UBE3A: variants seen among roughly 807,000 people sequenced by gnomAD.
UBE3A encodes ubiquitin-protein ligase E3A.
UBE3A carries 6 observed loss-of-function variants against 83.4 expected under a neutral mutation model. That is an observed-to-expected ratio of 0.07 (90% CI 0.04 to 0.14). The LOEUF (loss-of-function observed/expected upper bound fraction) is 0.14. Ranked by LOEUF, UBE3A falls within the 10% of genes least tolerant of loss-of-function variation. The probability of loss-of-function intolerance (pLI) is 1.00; values close to 1 mark genes in which losing one functional copy is unlikely to be tolerated. For missense variants in UBE3A, 456 were observed against 1,036.1 expected, an observed-to-expected ratio of 0.44 and a Z score of 7.69; for synonymous variants, 337 against 355.4, an observed-to-expected ratio of 0.95 and a Z score of 0.58.
chr15:25,389,267 A>AC (rs1261929467), intron 4 of UBE3A, among the ~76,000 whole-genome samples: 1 of 151,850 alleles, frequency 6.6e-6, no homozygotes, highest in African/African-American at 2.4e-5. Context: ...CATGCAAAAA[A>AC]AAAAAGAGTC....
At chr15:25,420,187 T>C (rs1230288609) in intron 1 of UBE3A, among the ~76,000 whole-genome samples, 1 of 151,866 alleles carries the variant, frequency 6.6e-6, no homozygotes, top group Non-Finnish European at 1.5e-5. Context: ...CAAAAATTAA[T>C]CATAAGAAAG....
chr15:25,383,446 G>C lies in UBE3A; in HGVS notation c.63-7683C>G, dbSNP rs566270731. Among the ~76,000 whole-genome samples, 8 of 152,222 alleles carry C rather than the reference G, an allele frequency of 5.3e-5. No homozygotes were observed. The East Asian group carries it at 1.5e-3, about 29-fold the overall frequency. On this transcript the variant is annotated intron_variant, in intron 4 of 12. Coordinates refer to ENST00000648336, the MANE Select transcript of UBE3A (RefSeq NM_130839.5). Reference sequence around the variant, plus strand: ...GAGGTCAGGAGTGTGAGACCAGCCTGGCCAACACAGTGAAACCCTGTCTCT... The same window carrying C: ...GAGGTCAGGAGTGTGAGACCAGCCTCGCCAACACAGTGAAACCCTGTCTCT...
chr15:25,423,538 TCA>T (rs1385783308), intron 1 of UBE3A, among the ~76,000 whole-genome samples: 2 of 152,168 alleles, frequency 1.3e-5, no homozygotes, highest in Non-Finnish European at 2.9e-5. Flanking sequence ...TCATGAACTC[TCA>T]GAGTTAATTC....
chr15:25,410,091 T>G (rs1451901461), intron 2 of UBE3A, among the ~76,000 whole-genome samples: 1 of 152,232 alleles, frequency 6.6e-6, no homozygotes, highest in Non-Finnish European at 1.5e-5. Flanking sequence ...CATGTATACA[T>G]ATGTAACTAA....
chr15:25,431,478 G>A (rs1893427666), intron 1 of UBE3A, among the ~76,000 whole-genome samples: 2 of 152,116 alleles, frequency 1.3e-5, no homozygotes, highest in Admixed American at 6.5e-5. Flanking sequence ...AAGTAACTGG[G>A]ATTACAGACG....
At position 25,384,828 on chromosome 15, in the gene UBE3A, T is replaced by C. The variant is rs570837923; in HGVS notation, c.63-9065A>G. ...CATAAAGACAGATATACAGACCAAG[T>C]GAGCAGAAGAGAGAACACAGAAATA... On this transcript the variant is annotated intron_variant, in intron 4 of 12. Coordinates refer to ENST00000648336, the MANE Select transcript of UBE3A (RefSeq NM_130839.5). Among the ~76,000 whole-genome samples, 8 of 152,196 alleles carry C rather than the reference T, an allele frequency of 5.3e-5. No homozygotes were observed. In the East Asian group the frequency reaches 1.4e-3, roughly 26 times the overall value.
chr15:25,360,214 A>C (rs1372400494), intron 7 of UBE3A, among the ~76,000 whole-genome samples, 169 bp downstream of exon 7: 1 of 152,236 alleles, frequency 6.6e-6, no homozygotes, highest in East Asian at 1.9e-4. Flanking sequence ...AGTGATACAA[A>C]TCAGTTCCTA....
At chr15:25,367,229 TTG>T (rs1566941344) in intron 6 of UBE3A, among the ~76,000 whole-genome samples, 125 of 79,722 alleles carry the variant, frequency 1.6e-3, no homozygotes, top group South Asian at 5.2e-3. Flanking sequence ...ATTTACATAT[TTG>T]TAAATATGTA....
Position 25,356,110 on chromosome 15 carries a change from A to G in UBE3A, c.1960-54T>C, listed in dbSNP as rs949306039. On this transcript the variant is annotated intron_variant, in intron 8 of 12. Coordinates refer to ENST00000648336, the MANE Select transcript of UBE3A (RefSeq NM_130839.5). ...CACCATAGAACTACAAAATACAACA[A>G]ATAATTTATATCACTCTTCTTAGAA... 10 of 1,579,076 alleles carry G rather than the reference A, an allele frequency of 6.3e-6. No homozygotes were observed. In the African/African-American group the frequency reaches 1.1e-4, roughly 17 times the overall value.
intron 1 of UBE3A, among the ~76,000 whole-genome samples, chr15:25,423,440 C>T (rs756677909): frequency 7.2e-5 from 11 of 152,028 alleles, no homozygotes; most frequent in Non-Finnish European, 1.6e-4. Flanking sequence ...AGGAATCTAC[C>T]TTACAGAAAA....
chr15:25,352,520 CTT>C (rs927052588), intron 11 of UBE3A, among the ~76,000 whole-genome samples: 4 of 152,150 alleles, frequency 2.6e-5, no homozygotes, highest in African/African-American at 9.7e-5. Flanking sequence ...AGTACATTAT[CTT>C]AATTTAAAAT....
intron 4 of UBE3A, among the ~76,000 whole-genome samples, chr15:25,379,973 C>T (rs1268630782): frequency 6.6e-6 from 1 of 152,082 alleles, no homozygotes; most frequent in Non-Finnish European, 1.5e-5. Context: ...TGTGTCCCCA[C>T]CCAAATCTCA....
At chr15:25,347,230 C>G (rs986629321) in intron 11 of UBE3A, 2 of 152,094 alleles carry the variant, frequency 1.3e-5, no homozygotes, top group African/African-American at 4.8e-5. Context: ...ATAACTGATA[C>G]AAAAACTGTA....
At chr15:25,339,475 A>G (rs2074366137) in intron 12 of UBE3A, 1 of 468,314 alleles carries the variant, frequency 2.1e-6, no homozygotes, top group Non-Finnish European at 3.7e-6. Flanking sequence ...TACTGTATCC[A>G]TTGAGTTTTT....
intron 1 of UBE3A, among the ~76,000 whole-genome samples, chr15:25,425,248 A>G (rs1219521810): frequency 6.6e-6 from 1 of 152,164 alleles, no homozygotes; most frequent in Non-Finnish European, 1.5e-5. Flanking sequence ...TATATGAAAT[A>G]TCCAGAATAA....
intron 11 of UBE3A, chr15:25,354,149 AT>A: frequency 3.2e-6 from 2 of 615,602 alleles, no homozygotes; most frequent in Middle Eastern, 4.4e-4. Context: ...TGAGACTTAT[AT>A]ATAACAACAC....
At chr15:25,392,283 T>C (rs749996034) in intron 4 of UBE3A, among the ~76,000 whole-genome samples, 4 of 152,326 alleles carry the variant, frequency 2.6e-5, no homozygotes, top group Admixed American at 6.5e-5. Flanking sequence ...CTAAGAAATA[T>C]AGACCTTTTG....
At chr15:25,350,448 CA>C (rs986467092) in intron 11 of UBE3A, among the ~76,000 whole-genome samples, 2 of 150,822 alleles carry the variant, frequency 1.3e-5, no homozygotes, top group African/African-American at 2.4e-5. Flanking sequence ...TAACTGAAAC[CA>C]AAAAAAAGCA....
At chr15:25,386,028 T>C (rs1389749808) in intron 4 of UBE3A, among the ~76,000 whole-genome samples, 1 of 152,152 alleles carries the variant, frequency 6.6e-6, no homozygotes, top group African/African-American at 2.4e-5. Flanking sequence ...GAGAAACTAG[T>C]TAACCAGAGC....
Sources: gnomAD v4.1 joint callset for allele counts (sites outside exome capture counted in the v4.1 genomes callset) on GRCh38, gnomAD v4.1.1 for gene constraint, MANE v1.5 for transcripts, NCBI Gene and HGNC (gene_info 2026-07-23, HGNC 2026-07-21) for gene names.